SLC10A7: variants seen among roughly 807,000 people sequenced by gnomAD.
SLC10A7 encodes the protein solute carrier family 10 member 7, also known as sodium/bile acid cotransporter 7.
In SLC10A7, 29 loss-of-function variants were observed where a neutral mutation model predicts 43.2. The observed-to-expected ratio is 0.67, with a 90% CI of 0.50 to 0.92. SLC10A7 has a LOEUF of 0.92. SLC10A7 is among the 40% of genes least tolerant of loss of function. The pLI is 0.00. For missense variants in SLC10A7, 295 were observed against 403.2 expected, an observed-to-expected ratio of 0.73 and a Z score of 2.30; for synonymous variants, 152 against 144.8, an observed-to-expected ratio of 1.05 and a Z score of -0.35.
At chr4:146,504,458 G>T (rs969589865) in intron 3 of SLC10A7, among the ~76,000 whole-genome samples, 1 of 145,020 alleles carries the variant, frequency 6.9e-6, no homozygotes, top group African/African-American at 2.6e-5. Flanking sequence ...GGCAGAGTTT[G>T]CAGTGAGCCG....
intron 5 of SLC10A7, among the ~76,000 whole-genome samples, chr4:146,385,504 T>G (rs965813164): frequency 6.6e-6 from 1 of 152,202 alleles, no homozygotes; most frequent in Non-Finnish European, 1.5e-5. Context: ...GCTTTATTTT[T>G]TCCAATTAGG....
At position 146,304,583 on chromosome 4, in the gene SLC10A7, G is replaced by A. The variant is rs140293215; in HGVS notation, c.555+1343C>T. Among the ~76,000 whole-genome samples the A allele has an allele frequency of 3.9e-3, 597 of 152,302 alleles. 2 individuals carry two copies. Among genetic ancestry groups the A allele is most frequent in the African/African-American group, 0.013 (547 of 41,560 alleles). On this transcript the variant is annotated intron_variant, in intron 7 of 11. Coordinates refer to ENST00000335472, the MANE Select transcript of SLC10A7 (RefSeq NM_001029998.6). ...TTTAGAGTGAGATTCTTAATCCTGA[G>A]TTCTAGTTTGATTGCACTGTGGTCT...
At position 146,521,346 on chromosome 4, in the gene SLC10A7, T is replaced by A. The variant is rs527892464; in HGVS notation, c.100+272A>T. Among the ~76,000 whole-genome samples the A allele has an allele frequency of 4.6e-5, 7 of 152,214 alleles. No individual in the cohort carries two copies. The South Asian group carries it at 1.5e-3, about 32-fold the overall frequency. ...TACTTTGAAGGCAAGAGGAGTAAGT[T>A]TCATTCTCTGTAACCTCACTTCTTG... is the stretch of plus-strand genomic sequence containing the variant. On this transcript the variant is annotated intron_variant, in intron 1 of 11. Transcript: ENST00000335472.
At chr4:146,510,323 G>A (rs1344495441) in intron 2 of SLC10A7, among the ~76,000 whole-genome samples, 11 of 150,598 alleles carry the variant, frequency 7.3e-5, no homozygotes, top group South Asian at 2.1e-4. Flanking sequence ...ACAGTGGCGC[G>A]ATCTTGGCTC....
At chr4:146,355,408 T>C (rs546569180) in intron 5 of SLC10A7, among the ~76,000 whole-genome samples, 136 of 152,262 alleles carry the variant, frequency 8.9e-4, no homozygotes, top group African/African-American at 3.0e-3. Context: ...GGAGAGGATG[T>C]GGAGAAATAG....
intron 6 of SLC10A7, among the ~76,000 whole-genome samples, chr4:146,321,761 G>A (rs1020090535): frequency 2.0e-5 from 3 of 152,056 alleles, no homozygotes; most frequent in African/African-American, 4.8e-5. Context: ...AGTCATTCAG[G>A]TTCTTGCTCC....
At chr4:146,396,850 A>C (rs953995432) in intron 5 of SLC10A7, among the ~76,000 whole-genome samples, 2 of 152,058 alleles carry the variant, frequency 1.3e-5, no homozygotes, top group Non-Finnish European at 2.9e-5. Flanking sequence ...AATTCAGTAC[A>C]ATATGTTTAA....
chr4:146,342,045 C>T (rs1734298700), intron 5 of SLC10A7, among the ~76,000 whole-genome samples: 2 of 151,686 alleles, frequency 1.3e-5, no homozygotes, highest in Non-Finnish European at 3.0e-5. Flanking sequence ...CCACCCATTC[C>T]TCTACCCACC....
At chr4:146,280,058 T>C (rs1352000357) in intron 10 of SLC10A7, among the ~76,000 whole-genome samples, 4 of 152,140 alleles carry the variant, frequency 2.6e-5, no homozygotes, top group Non-Finnish European at 5.9e-5. Context: ...GGTTTATTAG[T>C]TACATGGTTG....
chr4:146,329,037 G>A (rs1733354234), intron 5 of SLC10A7, among the ~76,000 whole-genome samples: 1 of 152,212 alleles, frequency 6.6e-6, no homozygotes, highest in Non-Finnish European at 1.5e-5. Context: ...AGATAGAAAA[G>A]TGTTGTTATC....
chr4:146,318,874 C>T (rs1050180904), intron 6 of SLC10A7, among the ~76,000 whole-genome samples: 9 of 152,008 alleles, frequency 5.9e-5, no homozygotes, highest in Non-Finnish European at 1.2e-4. Flanking sequence ...AAAAAACCTT[C>T]ATTCAATCTC....
intron 4 of SLC10A7, among the ~76,000 whole-genome samples, chr4:146,481,687 C>T (rs1406402454): frequency 5.3e-5 from 8 of 152,286 alleles, no homozygotes; most frequent in Admixed American, 2.0e-4. Context: ...TTCAGAGCAA[C>T]GGACCCCAGC....
intron 1 of SLC10A7, among the ~76,000 whole-genome samples, chr4:146,518,558 G>A (rs1021750833): frequency 6.6e-6 from 1 of 151,934 alleles, no homozygotes; most frequent in African/African-American, 2.4e-5. Context: ...AGTGTCCCCC[G>A]ACTCCCAAAA....
intron 5 of SLC10A7, among the ~76,000 whole-genome samples, chr4:146,434,178 G>A (rs1560903683): frequency 2.0e-5 from 3 of 152,096 alleles, no homozygotes; most frequent in African/African-American, 4.8e-5. Flanking sequence ...TCTATACAAC[G>A]TAATATCAGT....
intron 4 of SLC10A7, among the ~76,000 whole-genome samples, chr4:146,475,067 C>G (rs557940585): frequency 1.3e-3 from 203 of 152,208 alleles, no homozygotes; most frequent in African/African-American, 4.8e-3. Flanking sequence ...TGGTTTGCAG[C>G]TAGTATTTTT....
chr4:146,285,841 A>G (rs1198600516), intron 9 of SLC10A7, among the ~76,000 whole-genome samples: 4 of 151,142 alleles, frequency 2.6e-5, no homozygotes, highest in Non-Finnish European at 5.9e-5. Context: ...GGTGAAAAGG[A>G]CTGAATTTGG....
At chr4:146,404,494 G>GTGTGTGTA (rs1739441099) in intron 5 of SLC10A7, among the ~76,000 whole-genome samples, 1 of 151,752 alleles carries the variant, frequency 6.6e-6, no homozygotes, top group South Asian at 2.1e-4. Flanking sequence ...GTGTGTGTGT[G>GTGTGTGTA]TGTGTGTGTG....
At chr4:146,400,392 A>G (rs1739146363) in intron 5 of SLC10A7, among the ~76,000 whole-genome samples, 1 of 152,076 alleles carries the variant, frequency 6.6e-6, no homozygotes, top group African/African-American at 2.4e-5. Context: ...AAGAGCATAA[A>G]ATAGGGCAGT....
rs536108787 is a variant in SLC10A7 at position 146,331,864 on chromosome 4, T to C, written c.436-5868A>G. ...CAAACCAATATTTAATGAGTGAGACTGGTCAACAAATCCTAAGCAACAAAT... is the reference window on the plus strand; with the variant it reads ...CAAACCAATATTTAATGAGTGAGACCGGTCAACAAATCCTAAGCAACAAAT... On this transcript the variant is annotated intron_variant, in intron 5 of 11. Coordinates refer to ENST00000335472, the MANE Select transcript of SLC10A7 (RefSeq NM_001029998.6). 1.1e-4 allele frequency among the ~76,000 whole-genome samples: 16 copies of C among 152,300 alleles called. No individual in the cohort carries two copies. In the South Asian group the frequency reaches 3.3e-3, roughly 32 times the overall value.
Sources: gnomAD v4.1 joint callset for allele counts (sites outside exome capture counted in the v4.1 genomes callset) on GRCh38, gnomAD v4.1.1 for gene constraint, MANE v1.5 for transcripts, NCBI Gene and HGNC (gene_info 2026-07-23, HGNC 2026-07-21) for gene names.